Variants in ELP6 observed in about 807,000 individuals in gnomAD.
The protein encoded by ELP6 is elongator acetyltransferase complex subunit 6, also known as elongator complex protein 6.
A neutral mutation model predicts 28.1 loss-of-function variants in ELP6; 23 were observed. The observed-to-expected ratio is 0.82, with a 90% CI of 0.59 to 1.16. ELP6 has a LOEUF of 1.16. ELP6 is among the 50% of genes most tolerant of loss of function. The pLI, the probability that ELP6 is intolerant of heterozygous loss-of-function variation, is 0.00. For synonymous variants in ELP6, 132 were observed against 135.8 expected (o/e 0.97, Z 0.19); for missense variants, 313 against 334.6 (o/e 0.94, Z 0.50).
chr3:47,498,345 G>A lies in ELP6; in HGVS notation c.613C>T (p.His205Tyr). The change falls in exon 6 of 7, where the codon CAT (histidine) becomes TAT (tyrosine). Residue 205 changes from histidine to tyrosine, a missense_variant. Coordinates refer to ENST00000296149, the MANE Select transcript of ELP6 (RefSeq NM_001031703.3). The part of the protein sequence containing the change: ...ILLNGLSHQS[H>Y]LILRAEGLAT... The stretch of plus-strand genomic sequence containing the variant: ...AGGCCCTCAGCCCGCAGTATCAGAT[G>A]GCTCTGATGACTGAGGCCATTCAGC... 6.2e-7 allele frequency: 1 copy of A among 1,613,802 alleles called. No individual in the cohort carries two copies. Among genetic ancestry groups the A allele is most frequent in the South Asian group, 1.1e-5 (1 of 91,092 alleles).
chr3:47,495,851 C>A lies in ELP6; in HGVS notation c.*218G>T, dbSNP rs1708465381. 1.5e-6 allele frequency: 1 copy of A among 655,374 alleles called. No individual in the cohort carries two copies. Among genetic ancestry groups the A allele is most frequent in the Non-Finnish European group, 2.4e-6 (1 of 422,788 alleles). The allele number at this position is 655,374 out of a possible 1,614,324, so 40.6% of individuals were successfully genotyped here. ...CTTGGGTCTAGCATCCAGCCTCTCT[C>A]TCAGCAAAGGCAGGATTGTGGTCCC... On this transcript the variant is annotated 3_prime_UTR_variant, in exon 7 of 7. Coordinates refer to ENST00000296149, the MANE Select transcript of ELP6 (RefSeq NM_001031703.3).
At chr3:47,508,974 C>T (rs989043499) in intron 3 of ELP6, among the ~76,000 whole-genome samples, 6 of 152,246 alleles carry the variant, frequency 3.9e-5, no homozygotes, top group African/African-American at 1.2e-4. Context: ...CCGTGTTAGC[C>T]AGGATGGTCT....
chr3:47,510,371 C>T, intron 2 of ELP6, 117 bp from the exon 3 acceptor site: 1 of 713,052 alleles, frequency 1.4e-6, no homozygotes, highest in Non-Finnish European at 2.4e-6. Flanking sequence ...GGCTTTGCAA[C>T]CTGACATACG....
Position 47,496,065 on chromosome 3 carries a change from C to G in ELP6, c.*4G>C. The G allele has an allele frequency of 6.2e-7, 1 of 1,614,110 alleles. No individual in the cohort carries two copies. The highest frequency in any genetic ancestry group is 8.5e-7 in the Non-Finnish European group (1 of 1,180,004). On this transcript the variant is annotated 3_prime_UTR_variant, in exon 7 of 7. Transcript: ENST00000296149. ...TATGTAGCTTCAGCTGCTCCGAAAT[C>G]AGGTCACAGAACAGCAGGAGACATT... is the stretch of plus-strand genomic sequence containing the variant.
chr3:47,510,178 AT>A lies in ELP6; in HGVS notation c.204+5del, dbSNP rs780144191. 6 of 1,612,376 alleles carry A rather than the reference AT, an allele frequency of 3.7e-6. No individual in the cohort carries two copies. Among genetic ancestry groups the A allele is most frequent in the Non-Finnish European group, 5.1e-6 (6 of 1,178,532 alleles). ...GGACCTCATCATGGAGCTCCAAAAT[AT>A]TTACCAGCTTCTGTCCCACGATACT... is the stretch of plus-strand genomic sequence containing the variant. On this transcript the variant is annotated splice_donor_5th_base_variant and intron_variant, in intron 3 of 6. Transcript: ENST00000296149.
chr3:47,504,548 C>T, intron 3 of ELP6, 100 bp from the exon 4 acceptor site: 1 of 1,420,274 alleles, frequency 7.0e-7, no homozygotes, highest in Non-Finnish European at 9.2e-7. Context: ...CCAAACTTGG[C>T]AGAAGTGTAT....
chr3:47,496,247 T>A (rs1255562306), intron 6 of ELP6, 50 bp from the exon 7 acceptor site: 1 of 1,596,988 alleles, frequency 6.3e-7, no homozygotes. Context: ...CAGGACCTGC[T>A]CCACTGGGAA....
In ELP6 at chr3:47,511,241, G is replaced by A. The variant is rs774539239; in HGVS notation, c.55-15C>T. On this transcript the variant is annotated splice_polypyrimidine_tract_variant and intron_variant, in intron 1 of 6. Coordinates refer to ENST00000296149, the MANE Select transcript of ELP6 (RefSeq NM_001031703.3). ...GTCAGTTTCCCCTAAAAGTTACAAGGAACACAAAAAGGTTAGACTCCCTGG... is the reference window on the plus strand; with the variant it reads ...GTCAGTTTCCCCTAAAAGTTACAAGAAACACAAAAAGGTTAGACTCCCTGG... The A allele has an allele frequency of 7.4e-6, 12 of 1,612,984 alleles. No individual in the cohort carries two copies. Among genetic ancestry groups the A allele is most frequent in the Non-Finnish European group, 1.0e-5 (12 of 1,179,628 alleles).
intron 2 of ELP6, among the ~76,000 whole-genome samples, chr3:47,510,679 C>T (rs910234151): frequency 1.3e-5 from 2 of 152,118 alleles, no homozygotes; most frequent in Non-Finnish European, 2.9e-5. Context: ...AGGCTGGTCT[C>T]GAATCCCTGG....
chr3:47,503,676 G>A (rs1708735540), intron 4 of ELP6, among the ~76,000 whole-genome samples: 1 of 152,154 alleles, frequency 6.6e-6, no homozygotes, highest in African/African-American at 2.4e-5. Flanking sequence ...GCCGAGGCGG[G>A]CGGATCACGA....
chr3:47,501,463 G>C (rs1576340559), intron 5 of ELP6, 187 bp downstream of exon 5: 1 of 607,138 alleles, frequency 1.6e-6, no homozygotes, highest in East Asian at 2.8e-5. Context: ...CCTTTATTTT[G>C]GGGGGCTTTA....
intron 6 of ELP6, chr3:47,498,041 C>T (rs1427705541): frequency 1.0e-6 from 1 of 984,248 alleles, no homozygotes; most frequent in African/African-American, 1.7e-5. Context: ...AGACAGCTGT[C>T]TCCTCTTTAA....
chr3:47,495,888 G>T lies in ELP6; in HGVS notation c.*181C>A. 1.8e-5 allele frequency: 18 copies of T among 1,012,110 alleles called. No individual in the cohort carries two copies. The South Asian group carries it at 3.1e-4, about 17-fold the overall frequency. 62.7% of individuals were successfully genotyped at this position (1,012,110 alleles called of 1,614,324 possible). On this transcript the variant is annotated 3_prime_UTR_variant, in exon 7 of 7. Coordinates refer to ENST00000296149, the MANE Select transcript of ELP6 (RefSeq NM_001031703.3). The stretch of plus-strand genomic sequence containing the variant: ...AGGATTGTGGTCCCTTGTGTTTTCT[G>T]AACAGGGCCCAGGGCAGCCAAGGCA...
chr3:47,508,447 G>A (rs1054294652), intron 3 of ELP6, among the ~76,000 whole-genome samples: 2 of 152,060 alleles, frequency 1.3e-5, no homozygotes, highest in Non-Finnish European at 2.9e-5. Flanking sequence ...CGCCCCATGA[G>A]TGAGATGATC....
At chr3:47,507,938 T>TAAAACAA (rs1383790437) in intron 3 of ELP6, among the ~76,000 whole-genome samples, 1 of 105,678 alleles carries the variant, frequency 9.5e-6, no homozygotes, top group Admixed American at 1.0e-4. Flanking sequence ...CATTCAAAGG[T>TAAAACAA]AAAAGAAAAA....
At position 47,497,451 on chromosome 3, in the gene ELP6, C is replaced by T. The variant is rs1320003402; in HGVS notation, c.672+835G>A. On this transcript the variant is annotated intron_variant, in intron 6 of 6. Coordinates refer to ENST00000296149, the MANE Select transcript of ELP6 (RefSeq NM_001031703.3). Reference sequence around the variant, plus strand: ...TCCTGGGTTCAAGCGATTCTCCTGCCTCAGCCTCCCGAGTAGCTGGGACTA... The same window carrying T: ...TCCTGGGTTCAAGCGATTCTCCTGCTTCAGCCTCCCGAGTAGCTGGGACTA... 3 of 546,118 alleles carry T rather than the reference C, an allele frequency of 5.5e-6. No homozygotes were observed. The East Asian group carries it at 4.4e-4, about 81-fold the overall frequency. 33.8% of individuals were successfully genotyped at this position (546,118 alleles called of 1,614,324 possible). A position where few individuals can be genotyped will look rare whatever the true frequency, so the allele number is the denominator to read the frequency against.
rs1295918903 is a variant in ELP6 at position 47,513,639 on chromosome 3, G to A, written c.-49C>T. 2.5e-6 allele frequency: 4 copies of A among 1,610,298 alleles called. No homozygotes were observed. The highest frequency in any genetic ancestry group is 1.3e-5 in the African/African-American group (1 of 74,786). ...CTGGAGGAGAACCCGGAGTGCTGCA[G>A]AGACGACGGAGGCTGGAGAGCAAAA... On this transcript the variant is annotated 5_prime_UTR_variant, in exon 1 of 7. Coordinates refer to ENST00000296149, the MANE Select transcript of ELP6 (RefSeq NM_001031703.3).
chr3:47,510,775 T>C (rs1350708891), intron 2 of ELP6, among the ~76,000 whole-genome samples: 1 of 152,200 alleles, frequency 6.6e-6, no homozygotes, highest in African/African-American at 2.4e-5. Flanking sequence ...GCAGCCATGT[T>C]CTTTAGGAAG....
intron 6 of ELP6, chr3:47,498,060 C>G: frequency 7.1e-7 from 1 of 1,406,732 alleles, no homozygotes; most frequent in Non-Finnish European, 9.3e-7. Flanking sequence ...AAGAGTGCCC[C>G]ACTTTGGTCA....
Sources: gnomAD v4.1 joint callset for allele counts (sites outside exome capture counted in the v4.1 genomes callset) on GRCh38, gnomAD v4.1.1 for gene constraint, MANE v1.5 for transcripts, NCBI Gene and HGNC (gene_info 2026-07-23, HGNC 2026-07-21) for gene names.